RSPO1: variants seen among roughly 807,000 people sequenced by gnomAD.
RSPO1 encodes R-spondin-1.
In RSPO1, 18 loss-of-function variants were observed where a neutral mutation model predicts 26.0. The observed-to-expected ratio is 0.69, with a 90% CI of 0.48 to 1.03. RSPO1 has a LOEUF of 1.03. Ranked by LOEUF, RSPO1 falls within the 50% of genes least tolerant of loss-of-function variation. The pLI is 0.00. For missense variants in RSPO1, 309 were observed against 352.3 expected, an observed-to-expected ratio of 0.88 and a Z score of 0.98; for synonymous variants, 133 against 137.4, an observed-to-expected ratio of 0.97 and a Z score of 0.22.
chr1:37,618,715 G>A (rs1644154952), intron 3 of RSPO1, among the ~76,000 whole-genome samples: 1 of 152,186 alleles, frequency 6.6e-6, no homozygotes, highest in Non-Finnish European at 1.5e-5. Context: ...GGAGCCTGGG[G>A]TGATTCCCAG....
intron 3 of RSPO1, among the ~76,000 whole-genome samples, chr1:37,629,296 C>T (rs1644322479): frequency 1.3e-5 from 2 of 152,164 alleles, no homozygotes; most frequent in Admixed American, 6.5e-5. Flanking sequence ...ACTGGATCCT[C>T]ACAAGAGAGG....
chr1:37,617,661 C>CAAAAAAAAAAAAAAA lies in RSPO1; in HGVS notation c.95-1001_95-987dup, dbSNP rs34856591. On this transcript the variant is annotated intron_variant, in intron 3 of 6. Transcript: ENST00000356545. Reference sequence around the variant, plus strand: ...CGGATGACAGAGCAAGACTCCATCTCAAAAAAAAAAAAAAAAAAAAAAAAA... The same window carrying CAAAAAAAAAAAAAAA: ...CGGATGACAGAGCAAGACTCCATCTCAAAAAAAAAAAAAAAAAAAAAAAAAAAAAAAAAAAAAAAA... Among the ~76,000 whole-genome samples the CAAAAAAAAAAAAAAA allele has an allele frequency of 2.5e-4, 9 of 36,372 alleles. 1 individual carries two copies. Among genetic ancestry groups the CAAAAAAAAAAAAAAA allele is most frequent in the African/African-American group, 9.3e-4 (8 of 8,610 alleles). The allele number at this position is 36,372 out of a possible 152,430, so 23.9% of individuals were successfully genotyped here. A position where few individuals can be genotyped will look rare whatever the true frequency, so the allele number is the denominator to read the frequency against.
intron 3 of RSPO1, among the ~76,000 whole-genome samples, chr1:37,617,290 A>C (rs1233368322): frequency 6.6e-6 from 1 of 152,144 alleles, no homozygotes; most frequent in East Asian, 1.9e-4. Flanking sequence ...ATCATCCTAC[A>C]ATGCATCGGG....
At chr1:37,623,233 G>A (rs191446922) in intron 3 of RSPO1, among the ~76,000 whole-genome samples, 1 of 149,394 alleles carries the variant, frequency 6.7e-6, no homozygotes, top group Non-Finnish European at 1.5e-5. Context: ...GAGGGGATGG[G>A]GGGAGAGGAG....
chr1:37,627,728 T>C (rs1644300110), intron 3 of RSPO1, among the ~76,000 whole-genome samples: 1 of 152,162 alleles, frequency 6.6e-6, no homozygotes. Flanking sequence ...ATGTAAGCCT[T>C]ACTATCCTCC....
At chr1:37,616,703 G>C (rs938676091) in intron 3 of RSPO1, 28 bp from the exon 4 acceptor site, 3 of 1,608,740 alleles carry the variant, frequency 1.9e-6, no homozygotes, top group Admixed American at 3.3e-5. Flanking sequence ...GCATGAGAAG[G>C]CGGCTGTGGA....
chr1:37,616,595 T>C lies in RSPO1; in HGVS notation c.175A>G (p.Lys59Glu), dbSNP rs1644116974. Reference protein sequence around the residue: ...EVNGCLKCSPKLFILLERNDI... With the variant: ...EVNGCLKCSPELFILLERNDI... ...TTCCTCTCCAGCAGGATGAACAGCTTGGGTGAGCACTTGAGGCAGCCGTTG... is the reference window on the plus strand; with the variant it reads ...TTCCTCTCCAGCAGGATGAACAGCTCGGGTGAGCACTTGAGGCAGCCGTTG... Residue 59 changes from lysine to glutamate, a missense_variant, in exon 4 of 7, where the codon AAG (lysine) becomes GAG (glutamate). Coordinates refer to ENST00000356545, the MANE Select transcript of RSPO1 (RefSeq NM_001242908.2). 9 of 1,614,058 alleles carry C rather than the reference T, an allele frequency of 5.6e-6. No individual in the cohort carries two copies. Among genetic ancestry groups the C allele is most frequent in the Non-Finnish European group, 7.6e-6 (9 of 1,180,030 alleles).
rs895457590 is a variant in RSPO1 at position 37,611,774 on chromosome 1, C to T, written c.*981G>A. On this transcript the variant is annotated 3_prime_UTR_variant, in exon 7 of 7. Transcript: ENST00000356545. ...AGAATCCCTCCTGCTGCAAGATGGCCGGGGCCCTTTCTCCCGTCCTTTAAG... is the reference window on the plus strand; with the variant it reads ...AGAATCCCTCCTGCTGCAAGATGGCTGGGGCCCTTTCTCCCGTCCTTTAAG... The T allele has an allele frequency of 4.6e-5, 5 of 108,324 alleles. No homozygotes were observed. Among genetic ancestry groups the T allele is most frequent in the African/African-American group, 1.2e-4 (3 of 24,212 alleles). The allele number at this position is 108,324 out of a possible 1,614,324, so 6.7% of individuals were successfully genotyped here. A position where few individuals can be genotyped will look rare whatever the true frequency, so the allele number is the denominator to read the frequency against.
chr1:37,614,322 C>T lies in RSPO1; in HGVS notation c.298G>A (p.Glu100Lys), dbSNP rs1371800349. 7 of 1,613,562 alleles carry T rather than the reference C, an allele frequency of 4.3e-6. No individual in the cohort carries two copies. The highest frequency in any genetic ancestry group is 1.7e-5 in the Admixed American group (1 of 60,006). ...TGGCTGAAGCAGGCCTCACAGTGCT[C>T]GATCTTGCATTCTGAGGAGAGGACA... ...DMNKCIKCKI[E>K]HCEACFSHNF... Residue 100 changes from glutamate to lysine, a missense_variant, in exon 5 of 7, where the codon GAG becomes AAG. Glu to Lys is a moderately conservative substitution (Grantham distance 56). Transcript: ENST00000356545.
chr1:37,611,887 ATGAGACC>A lies in RSPO1; in HGVS notation c.*861_*867del, dbSNP rs1312035173. 1 of 152,274 alleles carries A rather than the reference ATGAGACC, an allele frequency of 6.6e-6. No homozygotes were observed. Among genetic ancestry groups the A allele is most frequent in the African/African-American group, 2.4e-5 (1 of 41,382 alleles). The allele number at this position is 152,274 out of a possible 1,614,324, so 9.4% of individuals were successfully genotyped here. The stretch of plus-strand genomic sequence containing the variant: ...TAGACTCTGGCTCACCAGGTCTGGA[ATGAGACC>A]TGAGATTCTCATTCCTAACAAGCTG... On this transcript the variant is annotated 3_prime_UTR_variant, in exon 7 of 7. Coordinates refer to ENST00000356545, the MANE Select transcript of RSPO1 (RefSeq NM_001242908.2).
chr1:37,632,177 G>T (rs1293541271), intron 2 of RSPO1, 110 bp downstream of exon 2: 1 of 152,248 alleles, frequency 6.6e-6, no homozygotes, highest in African/African-American at 2.4e-5. Flanking sequence ...AATTGAGGGT[G>T]AGTGCTCGGC....
rs2148155957 is a variant in RSPO1, at chr1:37,612,508, G to GTGTGTGTGTGTGTGTGTA, written c.*246_*247insTACACACACACACACACA. ...TCTTCTGGTGGCCTCAGGTGTGTGT[G>GTGTGTGTGTGTGTGTGTA]TGTGTGTGTGTGTATGTGTGTGTGT... is the stretch of plus-strand genomic sequence containing the variant. On this transcript the variant is annotated 3_prime_UTR_variant, in exon 7 of 7. Coordinates refer to ENST00000356545, the MANE Select transcript of RSPO1 (RefSeq NM_001242908.2). 3.4e-6 allele frequency: 2 copies of GTGTGTGTGTGTGTGTGTA among 584,388 alleles called. No individual in the cohort carries two copies. The highest frequency in any genetic ancestry group is 6.2e-6 in the Non-Finnish European group (2 of 323,914). The allele number at this position is 584,388 out of a possible 1,614,324, so 36.2% of individuals were successfully genotyped here.
intron 5 of RSPO1, 127 bp from the exon 6 acceptor site, chr1:37,614,019 T>C (rs1160975690): frequency 4.5e-6 from 6 of 1,331,204 alleles, no homozygotes; most frequent in African/African-American, 1.4e-5. Context: ...GCTGCAGGTA[T>C]CTTTAGTCCA....
chr1:37,614,569 C>A (rs1242760944), intron 4 of RSPO1, among the ~76,000 whole-genome samples: 2 of 152,194 alleles, frequency 1.3e-5, no homozygotes, highest in Admixed American at 1.3e-4. Context: ...GGGACTCTTG[C>A]CACCATCAGC....
intron 1 of RSPO1, among the ~76,000 whole-genome samples, chr1:37,633,986 C>T (rs1644399441): frequency 6.6e-6 from 1 of 152,224 alleles, no homozygotes; most frequent in Non-Finnish European, 1.5e-5. Flanking sequence ...CCAAGTCTGT[C>T]CCGGCCCTCC....
chr1:37,615,447 C>T (rs888577422), intron 4 of RSPO1, among the ~76,000 whole-genome samples: 2 of 152,156 alleles, frequency 1.3e-5, no homozygotes, highest in African/African-American at 4.8e-5. Flanking sequence ...CAAGGTCACA[C>T]AATGAAGAAG....
chr1:37,616,128 G>T (rs1257850886), intron 4 of RSPO1, among the ~76,000 whole-genome samples: 1 of 152,134 alleles, frequency 6.6e-6, no homozygotes, highest in African/African-American at 2.4e-5. Context: ...CAAGGTGCTG[G>T]GAGCCTGGGG....
At chr1:37,631,847 A>C (rs71640742) in intron 2 of RSPO1, 13,165 of 152,296 alleles carry the variant, frequency 0.086, 818 homozygotes, top group Middle Eastern at 0.18. Flanking sequence ...TACTAACCTT[A>C]ATACTGAGTA....
At chr1:37,616,108 G>A (rs781690464) in intron 4 of RSPO1, among the ~76,000 whole-genome samples, 11 of 152,266 alleles carry the variant, frequency 7.2e-5, no homozygotes, top group South Asian at 6.2e-4. Context: ...CTATTGCAAT[G>A]ATCCCGGAGC....
Sources: gnomAD v4.1 joint callset for allele counts (sites outside exome capture counted in the v4.1 genomes callset) on GRCh38, gnomAD v4.1.1 for gene constraint, MANE v1.5 for transcripts, NCBI Gene and HGNC (gene_info 2026-07-23, HGNC 2026-07-21) for gene names.